Variants in SESN1 observed in about 807,000 individuals in gnomAD.
SESN1 encodes the protein sestrin-1.
In SESN1, 30 loss-of-function variants were observed where a neutral mutation model predicts 59.3. The ratio of observed to expected loss-of-function variants is 0.51; its 90% CI spans 0.38 to 0.69. The LOEUF (loss-of-function observed/expected upper bound fraction) is 0.69. Among genes scored for constraint, SESN1 ranks in the 30% least tolerant of loss-of-function variants. The pLI, the probability that SESN1 is intolerant of heterozygous loss-of-function variation, is 0.00. For synonymous variants in SESN1, 197 were observed against 219.9 expected, an observed-to-expected ratio of 0.90 and a Z score of 0.92; for missense variants, 566 against 673.0, an observed-to-expected ratio of 0.84 and a Z score of 1.76.
intron 1 of SESN1, among the ~76,000 whole-genome samples, chr6:109,054,620 T>C (rs1280724192): frequency 6.6e-6 from 1 of 152,182 alleles, no homozygotes; most frequent in Non-Finnish European, 1.5e-5. Context: ...AAAAAAATAA[T>C]AGTCTCTCAA....
rs537957550 is a variant in SESN1, at chr6:109,046,343, C to T, written c.280-44000G>A. On this transcript the variant is annotated intron_variant, in intron 1 of 9. Coordinates refer to ENST00000436639, the MANE Select transcript of SESN1 (RefSeq NM_014454.3). ...CGAGTGATCCGCCAGCCTTGGCCTC[C>T]CGAGGTGCCGGGATTGCAGACGGAG... is the stretch of plus-strand genomic sequence containing the variant. Among the ~76,000 whole-genome samples, 58 of 151,940 alleles carry T rather than the reference C, an allele frequency of 3.8e-4. 1 individual carries two copies. The East Asian group carries it at 0.011, about 28-fold the overall frequency.
intron 1 of SESN1, among the ~76,000 whole-genome samples, chr6:109,056,250 T>C (rs564610955): frequency 5.3e-5 from 8 of 152,158 alleles, no homozygotes; most frequent in Non-Finnish European, 8.8e-5. Context: ...TTACAAATAA[T>C]TTAAAAATTA....
intron 1 of SESN1, among the ~76,000 whole-genome samples, chr6:109,039,630 A>C (rs920327215): frequency 2.0e-5 from 3 of 152,254 alleles, no homozygotes; most frequent in African/African-American, 7.2e-5. Flanking sequence ...CACTGGGATT[A>C]AAAACCAAAA....
At chr6:108,988,746 A>G in intron 8 of SESN1, 59 bp from the exon 9 acceptor site, 1 of 1,335,000 alleles carries the variant, frequency 7.5e-7, no homozygotes. Context: ...TTTTCATCTT[A>G]CAAAAGTATA....
chr6:109,009,545 G>A, intron 1 of SESN1: 3 of 1,037,110 alleles, frequency 2.9e-6, no homozygotes, highest in Non-Finnish European at 3.4e-6. Context: ...GCCTCAGTCA[G>A]CACGGACGGC....
chr6:109,019,423 A>G (rs1370396958), intron 1 of SESN1, among the ~76,000 whole-genome samples: 1 of 152,226 alleles, frequency 6.6e-6, no homozygotes, highest in African/African-American at 2.4e-5. Flanking sequence ...TAGAGCCTTA[A>G]AGAGAAAAAG....
At chr6:109,059,620 G>A (rs750671066) in intron 1 of SESN1, 15 of 151,850 alleles carry the variant, frequency 9.9e-5, no homozygotes, top group Non-Finnish European at 1.5e-4. Flanking sequence ...AGCACAAGGC[G>A]GGCAAAATTT....
chr6:108,989,553 C>A (rs1181270599), intron 8 of SESN1, among the ~76,000 whole-genome samples: 7 of 102,268 alleles, frequency 6.8e-5, no homozygotes, highest in Non-Finnish European at 1.4e-4. Context: ...ATCTCTAGAT[C>A]TAGATCTCTA....
chr6:109,001,612 GT>G, intron 2 of SESN1, 124 bp from the exon 3 acceptor site: 1 of 828,316 alleles, frequency 1.2e-6, no homozygotes, highest in Non-Finnish European at 1.9e-6. Flanking sequence ...AGAAAGAGGG[GT>G]TACAAATTTA....
chr6:109,033,574 A>G (rs1358454263), intron 1 of SESN1, among the ~76,000 whole-genome samples: 2 of 152,182 alleles, frequency 1.3e-5, no homozygotes, highest in African/African-American at 4.8e-5. Context: ...ATTAATTAGA[A>G]TGAATCTGAA....
chr6:108,989,618 T>C (rs1341499394), intron 8 of SESN1, among the ~76,000 whole-genome samples: 5 of 144,562 alleles, frequency 3.5e-5, no homozygotes, highest in Non-Finnish European at 6.1e-5. Flanking sequence ...TATCTCTCTA[T>C]ATAGAGAAAT....
At chr6:109,003,972 G>T (rs1779678317) in intron 1 of SESN1, among the ~76,000 whole-genome samples, 1 of 152,044 alleles carries the variant, frequency 6.6e-6, no homozygotes, top group Non-Finnish European at 1.5e-5. Context: ...TGTTTCAAGG[G>T]TTTATTACTG....
chr6:109,083,827 A>G (rs562993069), intron 1 of SESN1, among the ~76,000 whole-genome samples: 1 of 152,336 alleles, frequency 6.6e-6, no homozygotes, highest in Non-Finnish European at 1.5e-5. Context: ...ACATGATTGG[A>G]AGAATGTCTT....
chr6:109,006,839 C>T (rs1779742871), intron 1 of SESN1, among the ~76,000 whole-genome samples: 1 of 152,180 alleles, frequency 6.6e-6, no homozygotes, highest in Admixed American at 6.5e-5. Flanking sequence ...ATAAGCCAAA[C>T]TAAATACATT....
rs1781088251 is a variant in SESN1, at chr6:109,079,670, G to T, written c.279+14125C>A. Reference sequence around the variant, plus strand: ...ACCCAGTTCAAATTGAGTAATTTCTGAACATTATATAACTTAGGTGAGTTT... The same window carrying T: ...ACCCAGTTCAAATTGAGTAATTTCTTAACATTATATAACTTAGGTGAGTTT... On this transcript the variant is annotated intron_variant, in intron 1 of 9. Coordinates refer to ENST00000436639, the MANE Select transcript of SESN1 (RefSeq NM_014454.3). 2.0e-5 allele frequency among the ~76,000 whole-genome samples: 3 copies of T among 152,136 alleles called. 1 individual carries two copies. In the South Asian group the frequency reaches 6.2e-4, roughly 31 times the overall value.
chr6:108,988,776 G>GTA (rs1779274727), intron 8 of SESN1, 89 bp from the exon 9 acceptor site: 1 of 1,041,178 alleles, frequency 9.6e-7, no homozygotes, highest in Non-Finnish European at 1.3e-6. Context: ...AGTTAATACT[G>GTA]TATTTTTTCT....
intron 3 of SESN1, 50 bp downstream of exon 3, chr6:109,001,236 AAG>A: frequency 6.8e-7 from 1 of 1,470,042 alleles, no homozygotes; most frequent in Non-Finnish European, 9.5e-7. Context: ...CTGTCTCTTA[AAG>A]AGATTAATAA....
At chr6:109,039,167 A>AG in intron 1 of SESN1, among the ~76,000 whole-genome samples, 3 of 152,026 alleles carry the variant, frequency 2.0e-5, no homozygotes, top group South Asian at 2.1e-4. Context: ...GAGGAGGAGA[A>AG]GAAAGAAGAA....
chr6:109,076,863 A>T (rs1002287734), intron 1 of SESN1, among the ~76,000 whole-genome samples: 15 of 152,250 alleles, frequency 9.9e-5, no homozygotes, highest in Non-Finnish European at 2.2e-4. Flanking sequence ...TGCTTCACTT[A>T]ATGACACAAA....
Sources: gnomAD v4.1 joint callset for allele counts (sites outside exome capture counted in the v4.1 genomes callset) on GRCh38, gnomAD v4.1.1 for gene constraint, MANE v1.5 for transcripts, NCBI Gene and HGNC (gene_info 2026-07-23, HGNC 2026-07-21) for gene names.